ANKRD28: variants seen among roughly 807,000 people sequenced by gnomAD.
The protein encoded by ANKRD28 is ankyrin repeat domain 28.
In ANKRD28, 44 loss-of-function variants were observed where a neutral mutation model predicts 126.5. The ratio of observed to expected loss-of-function variants is 0.35; its 90% CI spans 0.27 to 0.45. The LOEUF (loss-of-function observed/expected upper bound fraction) is 0.45. Ranked by LOEUF, ANKRD28 falls within the 20% of genes least tolerant of loss-of-function variation. ANKRD28 has a pLI of 1.00. For missense variants in ANKRD28, 1,110 were observed against 1,316.6 expected (o/e 0.84, Z 2.43); for synonymous variants, 442 against 468.5 (o/e 0.94, Z 0.73).
chr3:15,780,330 A>G lies in ANKRD28; in HGVS notation c.202-14018T>C, dbSNP rs141618041. ...CCCATTTATAATAGCAACAACAAAAAAAAGTAACATATTTAGGTGAAAATT... is the reference window on the plus strand; with the variant it reads ...CCCATTTATAATAGCAACAACAAAAGAAAGTAACATATTTAGGTGAAAATT... On this transcript the variant is annotated intron_variant, in intron 2 of 27. Coordinates refer to ENST00000683139, the MANE Select transcript of ANKRD28 (RefSeq NM_001349278.2). Among the ~76,000 whole-genome samples the G allele has an allele frequency of 1.5e-3, 226 of 152,284 alleles. 2 individuals carry two copies. The highest frequency in any genetic ancestry group is 5.3e-3 in the African/African-American group (220 of 41,580).
At chr3:15,692,857 A>AACCCAGCATCTATT (rs1335113631) in intron 17 of ANKRD28, among the ~76,000 whole-genome samples, 2 of 152,254 alleles carry the variant, frequency 1.3e-5, no homozygotes, top group African/African-American at 2.4e-5. Flanking sequence ...AGAAGAAAGC[A>AACCCAGCATCTATT]ACCCAGCATC....
At chr3:15,741,441 T>G (rs1053153636) in intron 4 of ANKRD28, among the ~76,000 whole-genome samples, 10 of 152,156 alleles carry the variant, frequency 6.6e-5, no homozygotes, top group African/African-American at 2.4e-4. Context: ...GATGATTTTA[T>G]TAACAAAAAA....
At chr3:15,724,203 T>C (rs1211135859) in intron 7 of ANKRD28, among the ~76,000 whole-genome samples, 179 bp downstream of exon 7, 1 of 152,220 alleles carries the variant, frequency 6.6e-6, no homozygotes, top group Non-Finnish European at 1.5e-5. Context: ...GCTTTGACTA[T>C]TTACATGCCT....
chr3:15,832,922 C>A (rs2061236728), intron 1 of ANKRD28, among the ~76,000 whole-genome samples: 1 of 151,614 alleles, frequency 6.6e-6, no homozygotes. Flanking sequence ...GACATGATTT[C>A]TTTCCCTTAG....
chr3:15,687,195 G>A lies in ANKRD28; in HGVS notation c.1964-886C>T, dbSNP rs543697015. Among the ~76,000 whole-genome samples the A allele has an allele frequency of 8.6e-5, 13 of 151,712 alleles. No individual in the cohort carries two copies. In the South Asian group the frequency reaches 1.3e-3, roughly 15 times the overall value. ...CCTGACCTCATGATCCACCCACCTC[G>A]GCCTCCCAAAGTGCTGGGATTACAG... is the stretch of plus-strand genomic sequence containing the variant. On this transcript the variant is annotated intron_variant, in intron 18 of 27. Transcript: ENST00000683139.
In ANKRD28 at chr3:15,817,816, T is replaced by C. The variant is rs1390019545; in HGVS notation, c.28-22510A>G. ...GGTAGAAGGAATAAGGGATATATAG[T>C]TTGGAAGGGAAGAAATAAAAGTGCT... On this transcript the variant is annotated intron_variant, in intron 1 of 27. Transcript: ENST00000399451. The surrounding 1 kb of genome is among the most constrained non-coding windows in gnomAD (Gnocchi z 4.5). 6.6e-6 allele frequency among the ~76,000 whole-genome samples: 1 copy of C among 152,008 alleles called. No homozygotes were observed. Among genetic ancestry groups the C allele is most frequent in the Admixed American group, 6.6e-5 (1 of 15,264 alleles).
intron 2 of ANKRD28, among the ~76,000 whole-genome samples, chr3:15,773,260 T>A (rs771956716): frequency 1.3e-5 from 2 of 152,146 alleles, no homozygotes; most frequent in African/African-American, 4.8e-5. Context: ...AAAGGTATCA[T>A]TTAGAATAGC....
intron 4 of ANKRD28, among the ~76,000 whole-genome samples, chr3:15,749,095 GTTTTTGT>G (rs1385465330): frequency 0.24 from 25,240 of 106,418 alleles, 3,893 homozygotes; most frequent in Non-Finnish European, 0.31. Flanking sequence ...TCTATATTAT[GTTTTTGT>G]TTTTTTTTTT....
At chr3:15,802,675 AATCAGAGGAGAG>A (rs2125857087), upstream of ANKRD28, among the ~76,000 whole-genome samples, 1 of 152,318 alleles carries the variant, frequency 6.6e-6, no homozygotes, top group South Asian at 2.1e-4. Flanking sequence ...AGCTAAGGAC[AATCAGAGGAGAG>A]AGAAAGAGAT....
At chr3:15,835,706 G>A (rs2061311509) in intron 1 of ANKRD28, among the ~76,000 whole-genome samples, 1 of 152,150 alleles carries the variant, frequency 6.6e-6, no homozygotes, top group South Asian at 2.1e-4. Context: ...GCAATCCTTA[G>A]TCAACTAATA....
rs187998438 is a variant in ANKRD28 at position 15,766,765 on chromosome 3, T to C, written c.202-453A>G. On this transcript the variant is annotated intron_variant, in intron 2 of 27. Transcript: ENST00000683139. ...AAAATACTTGACCTTAAAATAGTGG[T>C]ATAAAGTCCAGCAAAGAATAAAAAT... is the stretch of plus-strand genomic sequence containing the variant. 5.4e-4 allele frequency among the ~76,000 whole-genome samples: 82 copies of C among 152,272 alleles called. No homozygotes were observed. In the South Asian group the frequency reaches 0.015, roughly 28 times the overall value.
intron 1 of ANKRD28, among the ~76,000 whole-genome samples, chr3:15,837,768 GA>G (rs1044374219): frequency 1.3e-5 from 2 of 150,106 alleles, no homozygotes; most frequent in African/African-American, 4.9e-5. Flanking sequence ...AGTAGCAGGG[GA>G]AAAAACAATC....
At chr3:15,818,616 C>A (rs1401287814) in intron 1 of ANKRD28, among the ~76,000 whole-genome samples, 1 of 152,076 alleles carries the variant, frequency 6.6e-6, no homozygotes, top group Non-Finnish European at 1.5e-5. Context: ...TTAGTAACAA[C>A]TAATAATAAA....
At chr3:15,765,749 A>G (rs2058704125) in intron 3 of ANKRD28, among the ~76,000 whole-genome samples, 2 of 151,862 alleles carry the variant, frequency 1.3e-5, no homozygotes. Context: ...CTGAGGCAGG[A>G]TAATCACTTG....
chr3:15,754,482 A>C (rs1264621233), intron 3 of ANKRD28, among the ~76,000 whole-genome samples: 1 of 152,154 alleles, frequency 6.6e-6, no homozygotes, highest in Non-Finnish European at 1.5e-5. Flanking sequence ...AAAAGATGTA[A>C]GTTCTCAATA....
At chr3:15,767,052 T>G (rs893396766) in intron 2 of ANKRD28, among the ~76,000 whole-genome samples, 2 of 152,208 alleles carry the variant, frequency 1.3e-5, no homozygotes, top group African/African-American at 4.8e-5. Context: ...AGTTTTTTCT[T>G]AACATTCCTG....
intron 21 of ANKRD28, chr3:15,683,954 TAA>T (rs1490119584): frequency 6.6e-6 from 1 of 152,164 alleles, no homozygotes; most frequent in Non-Finnish European, 1.5e-5. Flanking sequence ...GGTATTTATA[TAA>T]AGAGACAACT....
rs1298047733 is a variant in ANKRD28, at chr3:15,830,635, A to T, written c.27+28742T>A. 4.6e-5 allele frequency among the ~76,000 whole-genome samples: 7 copies of T among 151,854 alleles called. No homozygotes were observed. Among genetic ancestry groups the T allele is most frequent in the Non-Finnish European group, 2.9e-5 (2 of 67,932 alleles). The stretch of plus-strand genomic sequence containing the variant: ...TCCACGAAACTGGTCCCTGGTGCCA[A>T]AAACACTGGGGACTGCTGCAGTAAT... On this transcript the variant is annotated intron_variant, in intron 1 of 27. Coordinates refer to the ANKRD28 transcript ENST00000399451. The surrounding 1 kb of genome is among the most constrained non-coding windows in gnomAD (Gnocchi z 4.5).
exon 1 of ANKRD28, chr3:15,859,748 T>C (rs1470463148): frequency 2.6e-5 from 4 of 153,506 alleles, no homozygotes; most frequent in African/African-American, 9.7e-5. Flanking sequence ...CTTCCCGAAA[T>C]ACCCTGGCAG....
Sources: allele counts gnomAD v4.1 joint callset (sites outside exome capture counted in the v4.1 genomes callset), GRCh38; gene constraint gnomAD v4.1.1; non-coding constraint Gnocchi (gnomAD v3.1); transcripts MANE v1.5; gene names NCBI Gene and HGNC (gene_info 2026-07-23, HGNC 2026-07-21).